Variants in KIR3DL2 observed in about 807,000 individuals in gnomAD.
The protein encoded by KIR3DL2 is killer cell immunoglobulin-like receptor 3DL2.
A neutral mutation model predicts 41.6 loss-of-function variants in KIR3DL2; 42 were observed. The observed-to-expected ratio is 1.01, with a 90% CI of 0.79 to 1.31. KIR3DL2 has a LOEUF of 1.31. Ranked by LOEUF, KIR3DL2 falls within the 50% of genes most tolerant of loss-of-function variation. The pLI is 0.00. For missense variants in KIR3DL2, 728 were observed against 576.8 expected (o/e 1.26, Z -2.68); for synonymous variants, 230 against 221.3 (o/e 1.04, Z -0.35).
At chr19:54,852,604 G>C (rs1284895940) in intron 3 of KIR3DL2, among the ~76,000 whole-genome samples, 2 of 150,486 alleles carry the variant, frequency 1.3e-5, no homozygotes, top group Non-Finnish European at 3.0e-5. Context: ...TAATCACAAG[G>C]GTCCGCGTGA....
In KIR3DL2 at chr19:54,866,607, C is replaced by G. The variant is rs138443119; in HGVS notation, c.1244C>G (p.Ser415Cys). 3.4e-4 allele frequency: 546 copies of G among 1,614,022 alleles called. No individual in the cohort carries two copies. In the African/African-American group the frequency reaches 6.4e-3, roughly 19 times the overall value. ...VFIQRKISRP[S>C]QRPKTPLTDT... The stretch of plus-strand genomic sequence containing the variant: ...ATACAGAGAAAAATCAGTCGCCCTT[C>G]TCAGAGGCCCAAGACACCCCTAACA... The change falls in exon 9 of 9, where the codon TCT becomes TGT. Residue 415 changes from serine to cysteine, a missense_variant. Physicochemically the swap from Ser to Cys is moderately radical, Grantham distance 112. Transcript: ENST00000326321.
At chr19:54,858,706 T>G (rs2064968867) in intron 5 of KIR3DL2, among the ~76,000 whole-genome samples, 1 of 151,414 alleles carries the variant, frequency 6.6e-6, no homozygotes, top group Non-Finnish European at 1.5e-5. Context: ...CCAGCCTGCA[T>G]GACAGAGCAA....
chr19:54,862,158 G>T (rs2065220904), intron 6 of KIR3DL2, among the ~76,000 whole-genome samples: 1 of 152,086 alleles, frequency 6.6e-6, no homozygotes, highest in East Asian at 1.9e-4. Context: ...CCTAACATGT[G>T]TCTCGCGAGA....
At chr19:54,860,868 G>A (rs1232772824) in intron 6 of KIR3DL2, among the ~76,000 whole-genome samples, 6 of 141,206 alleles carry the variant, frequency 4.2e-5, no homozygotes, top group African/African-American at 1.5e-4. Flanking sequence ...GGAAGGAAGA[G>A]GCTCTGACTC....
intron 4 of KIR3DL2, among the ~76,000 whole-genome samples, chr19:54,854,543 T>C (rs2064581384): frequency 6.6e-6 from 1 of 151,736 alleles, no homozygotes; most frequent in African/African-American, 2.4e-5. Context: ...TATCCCAGGA[T>C]ATCATGGCCC....
Position 54,852,119 on chromosome 19 carries a change from C to A in KIR3DL2, c.192C>A (p.Asp64Glu), listed in dbSNP as rs1237588014. ...ACAATTTCATGCTGTACAAAGAAGA[C>A]AGAAGCCACGTTCCCATCTTCCACG... ...GFNNFMLYKE[D>E]RSHVPIFHGR... The change falls in exon 3 of 9, where the codon GAC becomes GAA. Residue 64 changes from aspartate (D) to glutamate (E), a missense_variant. Asp to Glu is a conservative substitution (Grantham distance 45). Coordinates refer to ENST00000326321, the MANE Select transcript of KIR3DL2 (RefSeq NM_006737.4). The A allele has an allele frequency of 8.1e-6, 13 of 1,612,898 alleles. No homozygotes were observed. Among genetic ancestry groups the A allele is most frequent in the African/African-American group, 2.7e-5 (2 of 74,478 alleles).
chr19:54,864,653 CTGTT>C (rs1308733713), intron 6 of KIR3DL2, among the ~76,000 whole-genome samples: 4 of 151,970 alleles, frequency 2.6e-5, no homozygotes, highest in Non-Finnish European at 5.9e-5. Flanking sequence ...ATTTGGCTCT[CTGTT>C]TGTCTGTTAT....
chr19:54,862,029 C>A (rs1601814592), intron 6 of KIR3DL2, among the ~76,000 whole-genome samples: 1 of 152,206 alleles, frequency 6.6e-6, no homozygotes, highest in Middle Eastern at 3.4e-3. Flanking sequence ...AATCAGAGAT[C>A]AGCACCAGCA....
intron 5 of KIR3DL2, among the ~76,000 whole-genome samples, chr19:54,857,988 C>A (rs2064915173): frequency 6.6e-6 from 1 of 151,660 alleles, no homozygotes; most frequent in Non-Finnish European, 1.5e-5. Flanking sequence ...ATGTCTTTTG[C>A]TCGTTTTTTA....
intron 1 of KIR3DL2, 90 bp downstream of exon 1, chr19:54,850,599 G>T: frequency 6.4e-7 from 1 of 1,572,514 alleles, no homozygotes; most frequent in Non-Finnish European, 8.6e-7. Context: ...GGAGATATGG[G>T]CCTGGAGTGG....
At chr19:54,851,400 T>G (rs1371685971) in intron 2 of KIR3DL2, 145 bp downstream of exon 2, 3 of 831,850 alleles carry the variant, frequency 3.6e-6, no homozygotes, top group Non-Finnish European at 5.5e-6. Context: ...GACCTCGCCC[T>G]CCCTGGCCTT....
chr19:54,854,180 G>T (rs2064546473), intron 4 of KIR3DL2, 134 bp downstream of exon 4: 1 of 1,127,298 alleles, frequency 8.9e-7, no homozygotes. Context: ...GGTGAGGTCT[G>T]TACCAACAGA....
intron 5 of KIR3DL2, among the ~76,000 whole-genome samples, chr19:54,857,572 T>C (rs1197901833): frequency 6.6e-6 from 1 of 151,384 alleles, no homozygotes; most frequent in Non-Finnish European, 1.5e-5. Context: ...TATGTTGAGA[T>C]GGAGTTTCAC....
At chr19:54,864,791 T>C (rs929087726) in intron 6 of KIR3DL2, among the ~76,000 whole-genome samples, 9 of 151,850 alleles carry the variant, frequency 5.9e-5, no homozygotes, top group African/African-American at 2.2e-4. Context: ...TATACAATCA[T>C]GTCATCTGCA....
chr19:54,850,962 G>A (rs2064172525), intron 1 of KIR3DL2, among the ~76,000 whole-genome samples: 1 of 147,282 alleles, frequency 6.8e-6, no homozygotes, highest in Non-Finnish European at 1.5e-5. Context: ...GTGGAGATAT[G>A]GGCCTGGAGT....
intron 6 of KIR3DL2, among the ~76,000 whole-genome samples, chr19:54,860,139 A>G (rs2065071321): frequency 6.6e-6 from 1 of 152,072 alleles, no homozygotes; most frequent in South Asian, 2.1e-4. Context: ...TCCTCCTTTC[A>G]TGTAAAATAA....
In KIR3DL2 at chr19:54,865,854, C is replaced by G; in HGVS notation, c.1050C>G (p.Phe350Leu). 6.2e-7 allele frequency: 1 copy of G among 1,613,888 alleles called. No homozygotes were observed. The highest frequency in any genetic ancestry group is 8.5e-7 in the Non-Finnish European group (1 of 1,179,894). The change falls in exon 7 of 9, where the codon TTC becomes TTG. Residue 350 changes from phenylalanine to leucine, a missense_variant. Physicochemically the swap from Phe to Leu is conservative, Grantham distance 22. Coordinates refer to ENST00000326321, the MANE Select transcript of KIR3DL2 (RefSeq NM_006737.4). ...TGATTGGGACCTCAGTGGTCATCTT[C>G]CTCTTCATCCTCCTCCTCTTCTTTC... is the stretch of plus-strand genomic sequence containing the variant. ...HVLIGTSVVI[F>L]LFILLLFFLL...
rs1360424865 is a variant in KIR3DL2, at chr19:54,855,079, A to G, written c.656-540A>G. On this transcript the variant is annotated intron_variant, in intron 4 of 8. Transcript: ENST00000326321. The stretch of plus-strand genomic sequence containing the variant: ...GATGATGAAGATAGATAGAAGACAC[A>G]TATATAAATATATAGATACATAGAT... 5.3e-5 allele frequency among the ~76,000 whole-genome samples: 8 copies of G among 151,392 alleles called. 1 individual carries two copies. Among genetic ancestry groups the G allele is most frequent in the East Asian group, 3.8e-4 (2 of 5,196 alleles).
At chr19:54,855,502 GT>G in intron 4 of KIR3DL2, 116 bp from the exon 5 acceptor site, 1 of 1,426,280 alleles carries the variant, frequency 7.0e-7, no homozygotes, top group Non-Finnish European at 9.4e-7. Context: ...GGGGTGGAGG[GT>G]GAGAGAGAGA....
Sources: gnomAD v4.1 joint callset for allele counts (sites outside exome capture counted in the v4.1 genomes callset) on GRCh38, gnomAD v4.1.1 for gene constraint, MANE v1.5 for transcripts, NCBI Gene and HGNC (gene_info 2026-07-23, HGNC 2026-07-21) for gene names.